PCDHA4: variants seen among roughly 807,000 people sequenced by gnomAD.
The protein encoded by PCDHA4 is protocadherin alpha 4, also known as protocadherin alpha-4.
In PCDHA4, 49 loss-of-function variants were observed where a neutral mutation model predicts 61.4. The ratio of observed to expected loss-of-function variants is 0.80; its 90% CI spans 0.63 to 1.01. PCDHA4 has a LOEUF of 1.01. PCDHA4 is among the 50% of genes least tolerant of loss of function. The pLI, the probability that PCDHA4 is intolerant of heterozygous loss-of-function variation, is 0.00. For missense variants in PCDHA4, 1,254 were observed against 1,235.8 expected (o/e 1.01, Z -0.22); for synonymous variants, 590 against 550.3 (o/e 1.07, Z -1.01).
chr5:140,904,522 C>T (rs1241157884), intron 1 of PCDHA4, among the ~76,000 whole-genome samples: 1 of 151,956 alleles, frequency 6.6e-6, no homozygotes, highest in Admixed American at 6.6e-5. Flanking sequence ...CTGCTATAAA[C>T]TTGTGTGTTC....
At chr5:140,984,139 C>T (rs2097088415) in intron 3 of PCDHA4, among the ~76,000 whole-genome samples, 1 of 152,178 alleles carries the variant, frequency 6.6e-6, no homozygotes. Flanking sequence ...GATGTGGAGG[C>T]ATCTGGGAAG....
At chr5:140,936,043 C>A (rs1246569956) in intron 1 of PCDHA4, among the ~76,000 whole-genome samples, 1 of 152,038 alleles carries the variant, frequency 6.6e-6, no homozygotes, top group Non-Finnish European at 1.5e-5. Context: ...CAGGCACCCA[C>A]CACCACACCC....
At chr5:140,979,055 T>A (rs2096833782) in intron 2 of PCDHA4, 48 bp downstream of exon 2, 1 of 1,607,848 alleles carries the variant, frequency 6.2e-7, no homozygotes, top group Non-Finnish European at 8.5e-7. Flanking sequence ...TAACTTGGTA[T>A]GGCTCAGATA....
chr5:140,881,655 C>T (rs1336529643), intron 1 of PCDHA4, among the ~76,000 whole-genome samples: 1 of 152,120 alleles, frequency 6.6e-6, no homozygotes, highest in Non-Finnish European at 1.5e-5. Flanking sequence ...TCACCTTCAC[C>T]GATTTTATTC....
chr5:140,942,990 C>T (rs1460211642), intron 1 of PCDHA4, among the ~76,000 whole-genome samples: 4 of 151,892 alleles, frequency 2.6e-5, no homozygotes, highest in Non-Finnish European at 5.9e-5. Context: ...GGTGTGGTGG[C>T]TCATGCCTGT....
At chr5:140,838,041 C>A (rs1479923409) in intron 1 of PCDHA4, among the ~76,000 whole-genome samples, 1 of 149,154 alleles carries the variant, frequency 6.7e-6, no homozygotes, top group African/African-American at 2.5e-5. Flanking sequence ...TACCTTTCTG[C>A]ACTTTTTGGT....
intron 1 of PCDHA4, among the ~76,000 whole-genome samples, chr5:140,914,012 G>A (rs2153528687): frequency 6.6e-6 from 1 of 152,234 alleles, no homozygotes; most frequent in Admixed American, 6.5e-5. Context: ...CTATCTTTGA[G>A]AATGATCCAC....
intron 1 of PCDHA4, chr5:140,823,306 G>A (rs2150124482): frequency 9.9e-6 from 16 of 1,612,180 alleles, no homozygotes; most frequent in Admixed American, 1.7e-5. Flanking sequence ...TTCGGTGCAC[G>A]CGGAGAGCGG....
chr5:140,969,254 A>G (rs781854163), intron 1 of PCDHA4: 2 of 1,614,242 alleles, frequency 1.2e-6, no homozygotes, highest in Non-Finnish European at 1.7e-6. Context: ...GACTGACAGC[A>G]GGAATCTCAC....
chr5:140,868,759 T>G, intron 1 of PCDHA4: 1 of 230,962 alleles, frequency 4.3e-6, no homozygotes, highest in Non-Finnish European at 8.5e-6. Context: ...TCCATATATA[T>G]TTAGTTTCAA....
At chr5:140,858,742 T>A in intron 1 of PCDHA4, 1 of 467,252 alleles carries the variant, frequency 2.1e-6, no homozygotes, top group African/African-American at 2.0e-5. Flanking sequence ...ACTTTCATAA[T>A]CACTTTTCGT....
intron 1 of PCDHA4, chr5:140,877,758 G>A (rs782480713): frequency 1.2e-6 from 2 of 1,614,190 alleles, no homozygotes; most frequent in Non-Finnish European, 1.7e-6. Flanking sequence ...GCTCTGCAGA[G>A]AGCCCGCCCA....
intron 1 of PCDHA4, chr5:140,884,520 C>G (rs782029549): frequency 4.3e-6 from 7 of 1,613,918 alleles, no homozygotes; most frequent in Middle Eastern, 1.6e-4. Flanking sequence ...TGGTCGTACT[C>G]GCAGCAGAGG....
chr5:140,952,406 T>G (rs2094740405), intron 1 of PCDHA4, among the ~76,000 whole-genome samples: 1 of 151,900 alleles, frequency 6.6e-6, no homozygotes, highest in Admixed American at 6.6e-5. Flanking sequence ...ATTCTCAAAT[T>G]TAATGTTCCG....
At chr5:140,937,067 T>C (rs2091302961) in intron 1 of PCDHA4, among the ~76,000 whole-genome samples, 1 of 148,650 alleles carries the variant, frequency 6.7e-6, no homozygotes, top group South Asian at 2.1e-4. Flanking sequence ...AGACGGAGTC[T>C]CGCTCTGTCG....
At chr5:140,835,974 T>A (rs782216011) in intron 1 of PCDHA4, 1 of 1,612,180 alleles carries the variant, frequency 6.2e-7, no homozygotes, top group African/African-American at 1.3e-5. Context: ...GCTGGAGCTG[T>A]TGCAGTTCCA....
intron 1 of PCDHA4, chr5:140,968,919 T>C (rs2096279642): frequency 1.2e-6 from 2 of 1,614,116 alleles, no homozygotes; most frequent in South Asian, 1.1e-5. Flanking sequence ...GTGTCTTTTA[T>C]ATTTCTTTTG....
chr5:140,926,906 G>A (rs781809570), intron 1 of PCDHA4: 1 of 1,559,584 alleles, frequency 6.4e-7, no homozygotes, highest in Admixed American at 1.8e-5. Context: ...GTGGGCTGTG[G>A]GGTGGCAGTT....
chr5:140,994,784 A>G (rs1245945274), intron 3 of PCDHA4, among the ~76,000 whole-genome samples: 2 of 152,202 alleles, frequency 1.3e-5, no homozygotes, highest in Non-Finnish European at 2.9e-5. Flanking sequence ...CAAAGGAAAC[A>G]ATGCGTGCAT....
Sources: gnomAD v4.1 joint callset for allele counts (sites outside exome capture counted in the v4.1 genomes callset) on GRCh38, gnomAD v4.1.1 for gene constraint, MANE v1.5 for transcripts, NCBI Gene and HGNC (gene_info 2026-07-23, HGNC 2026-07-21) for gene names.